The following ZNF395 variants were observed in gnomAD, a reference collection of about 807,000 sequenced individuals.
ZNF395 encodes zinc finger protein 395.
Under a neutral mutation model 57.7 loss-of-function variants are expected in ZNF395, and 20 were observed. The ratio of observed to expected loss-of-function variants is 0.35; its 90% CI spans 0.24 to 0.50. The LOEUF is 0.50. ZNF395 is among the 20% of genes least tolerant of loss of function. ZNF395 has a pLI of 0.97. For missense variants in ZNF395, 606 were observed against 671.2 expected (o/e 0.90, Z 1.07); for synonymous variants, 295 against 275.9 (o/e 1.07, Z -0.69).
Position 28,356,763 on chromosome 8 carries a change from C to T in ZNF395, c.490G>A (p.Glu164Lys). ...ATGGCCGCCATCATCTCATCCATTT[C>T]CACTGCGTCCGACTTCCTGGATTCA... ...DVPKRKSDAVEMDEMMAAMVL... is the reference protein window; with the variant it reads ...DVPKRKSDAVKMDEMMAAMVL... The change falls in exon 4 of 10, where the codon GAA becomes AAA. Residue 164 changes from glutamate (E) to lysine (K), a missense_variant. Transcript: ENST00000344423. This position sits in a 1 kb window ranked among gnomAD's most constrained non-coding sequence, Gnocchi z 4.0. The T allele has an allele frequency of 6.2e-7, 1 of 1,614,174 alleles. No individual in the cohort carries two copies. Among genetic ancestry groups the T allele is most frequent in the Non-Finnish European group, 8.5e-7 (1 of 1,180,010 alleles).
chr8:28,349,655 G>A (rs1462286768), intron 8 of ZNF395, among the ~76,000 whole-genome samples: 1 of 152,190 alleles, frequency 6.6e-6, no homozygotes, highest in Non-Finnish European at 1.5e-5. Context: ...GTCCACCTAT[G>A]GCCCTTGTCT....
chr8:28,368,761 A>C (rs957539077), intron 1 of ZNF395, among the ~76,000 whole-genome samples: 1 of 152,070 alleles, frequency 6.6e-6, no homozygotes, highest in Non-Finnish European at 1.5e-5. Context: ...CAATCCCAAG[A>C]GGACAAAAAG....
In ZNF395 at chr8:28,352,691, A is replaced by T. The variant is rs777237480; in HGVS notation, c.820-18T>A. 3.4e-5 allele frequency: 55 copies of T among 1,602,370 alleles called. No homozygotes were observed. Among genetic ancestry groups the T allele is most frequent in the Non-Finnish European group, 4.6e-5 (54 of 1,169,374 alleles). On this transcript the variant is annotated intron_variant, in intron 5 of 9. Coordinates refer to ENST00000344423, the MANE Select transcript of ZNF395 (RefSeq NM_018660.3). The surrounding 1 kb of genome is among the most constrained non-coding windows in gnomAD (Gnocchi z 4.0). ...ACAGAGTTCTACAGGAAAGGAAGAC[A>T]GGGTGAGTGGATATGTCTTTCTCCT...
Position 28,346,810 on chromosome 8 carries a change from G to C in ZNF395, c.*1909C>G, listed in dbSNP as rs1801608303. 1 of 151,936 alleles carries C rather than the reference G, an allele frequency of 6.6e-6. No individual in the cohort carries two copies. Among genetic ancestry groups the C allele is most frequent in the Non-Finnish European group, 1.5e-5 (1 of 68,018 alleles). The allele number at this position is 151,936 out of a possible 1,614,324, so 9.4% of individuals were successfully genotyped here. On this transcript the variant is annotated 3_prime_UTR_variant, in exon 10 of 10. Transcript: ENST00000344423. ...GCTGGGGGTTGTCTTGGGAAGTGAG[G>C]GGGGTTGGGAAACACCATCAGCAGC...
chr8:28,366,383 A>G (rs1442610596), intron 1 of ZNF395, among the ~76,000 whole-genome samples: 1 of 152,168 alleles, frequency 6.6e-6, no homozygotes, highest in Admixed American at 6.5e-5. Flanking sequence ...CTTTAAATCT[A>G]TAACATTTTT....
chr8:28,356,718 A>G lies in ZNF395; in HGVS notation c.535T>C (p.Cys179Arg). 6.2e-7 allele frequency: 1 copy of G among 1,614,242 alleles called. No individual in the cohort carries two copies. The highest frequency in any genetic ancestry group is 8.5e-7 in the Non-Finnish European group (1 of 1,180,040). Reference sequence around the variant, plus strand: ...GGAGGACTCTGTACAACAGGGCTGCAGGACAGGGACGTCAGCACCATGGCC... The same window carrying G: ...GGAGGACTCTGTACAACAGGGCTGCGGGACAGGGACGTCAGCACCATGGCC... Reference protein sequence around the residue: ...MAAMVLTSLSCSPVVQSPPGT... With the variant: ...MAAMVLTSLSRSPVVQSPPGT... Residue 179 changes from cysteine to arginine, a missense_variant, in exon 4 of 10, where the codon TGC becomes CGC. By Grantham distance (180) the Cys-to-Arg change is radical. Transcript: ENST00000344423. This position sits in a 1 kb window ranked among gnomAD's most constrained non-coding sequence, Gnocchi z 4.0.
In ZNF395 at chr8:28,347,837, C is replaced by T. The variant is rs1014382411; in HGVS notation, c.*882G>A. 2 of 152,246 alleles carry T rather than the reference C, an allele frequency of 1.3e-5. No individual in the cohort carries two copies. Among genetic ancestry groups the T allele is most frequent in the African/African-American group, 4.8e-5 (2 of 41,446 alleles). The allele number at this position is 152,246 out of a possible 1,614,324, so 9.4% of individuals were successfully genotyped here. On this transcript the variant is annotated 3_prime_UTR_variant, in exon 10 of 10. Transcript: ENST00000344423. ...GAAAACAAAGCATTTCTGAGGCGTC[C>T]TTTCAATAACCGGAGGAAGGCGGCG...
chr8:28,353,341 G>A lies in ZNF395; in HGVS notation c.651C>T (p.Thr217=), dbSNP rs137923010. The A allele has an allele frequency of 2.5e-6, 4 of 1,604,254 alleles. No individual in the cohort carries two copies. Among genetic ancestry groups the A allele is most frequent in the Non-Finnish European group, 3.4e-6 (4 of 1,175,136 alleles). ...CACTGCTCCCACTCCAGTGACCGCT[G>A]GTAGTGCTGCTGCCGCTGTCCGAGA... ...GDISDSGSST[T]SGHWSGSSGV... The change falls in exon 5 of 10, where the codon ACC becomes ACT. Residue 217 remains threonine (T), a synonymous_variant. Coordinates refer to ENST00000344423, the MANE Select transcript of ZNF395 (RefSeq NM_018660.3).
At chr8:28,367,309 T>C (rs1452708056) in intron 1 of ZNF395, among the ~76,000 whole-genome samples, 1 of 152,184 alleles carries the variant, frequency 6.6e-6, no homozygotes, top group Admixed American at 6.5e-5. Flanking sequence ...GCATCCAGCC[T>C]TCCTATTACT....
rs1801590916 is a variant in ZNF395 at position 28,345,693 on chromosome 8, T to C, written c.*3026A>G. 6.6e-6 allele frequency: 1 copy of C among 152,368 alleles called. No homozygotes were observed. Among genetic ancestry groups the C allele is most frequent in the Non-Finnish European group, 1.5e-5 (1 of 68,006 alleles). 9.4% of individuals were successfully genotyped at this position (152,368 alleles called of 1,614,324 possible). ...AAAAATTTTTTAACAGTAAAAATAA[T>C]ACTTGGAAGACAGCTGAGGAAAAAG... is the stretch of plus-strand genomic sequence containing the variant. On this transcript the variant is annotated 3_prime_UTR_variant, in exon 10 of 10. Transcript: ENST00000344423.
intron 1 of ZNF395, chr8:28,385,157 C>T (rs950800961): frequency 6.6e-6 from 1 of 152,272 alleles, no homozygotes; most frequent in Non-Finnish European, 1.5e-5. Flanking sequence ...AGGAATCCCC[C>T]GCGCCTGGTA....
At chr8:28,375,106 C>T (rs914286384) in intron 1 of ZNF395, among the ~76,000 whole-genome samples, 2 of 152,108 alleles carry the variant, frequency 1.3e-5, no homozygotes, top group African/African-American at 4.8e-5. Flanking sequence ...ACAAAATTGG[C>T]TGTGCACAGG....
At chr8:28,369,784 CCA>C (rs914706060) in intron 1 of ZNF395, among the ~76,000 whole-genome samples, 1 of 152,174 alleles carries the variant, frequency 6.6e-6, no homozygotes, top group Non-Finnish European at 1.5e-5. Context: ...GGAAAGGGCC[CCA>C]GAGCAGAAAA....
At chr8:28,379,640 T>C (rs541047140) in intron 1 of ZNF395, among the ~76,000 whole-genome samples, 98 of 152,300 alleles carry the variant, frequency 6.4e-4, no homozygotes, top group African/African-American at 2.3e-3. Context: ...TGTGCCAACC[T>C]GGGGTCAAAG....
intron 5 of ZNF395, 130 bp downstream of exon 5, chr8:28,353,043 A>G: frequency 1.2e-6 from 1 of 807,182 alleles, no homozygotes; most frequent in Non-Finnish European, 2.0e-6. Context: ...AGCAGCAATA[A>G]AAAACCGAAA....
chr8:28,366,985 A>G (rs1156867367), intron 1 of ZNF395, among the ~76,000 whole-genome samples: 1 of 152,000 alleles, frequency 6.6e-6, no homozygotes, highest in Non-Finnish European at 1.5e-5. Flanking sequence ...CTGTTACCCT[A>G]TTTTTAAGAG....
Position 28,359,801 on chromosome 8 carries a change from T to C in ZNF395, c.264A>G (p.Gln88=). 1 of 1,613,998 alleles carries C rather than the reference T, an allele frequency of 6.2e-7. No homozygotes were observed. Among genetic ancestry groups the C allele is most frequent in the Non-Finnish European group, 8.5e-7 (1 of 1,180,036 alleles). ...GCTGCTCCACCAGTCCTGTGCACTC[T>C]TGACCCCCGTACCACACATAAACCT... ...GQKVYVWYGG[Q]ECTGLVEQHS... is the part of the protein sequence containing the mutation. Residue 88 remains glutamine, a synonymous_variant, in exon 3 of 10, where the codon CAA becomes CAG. Transcript: ENST00000344423. The surrounding 1 kb of genome is among the most constrained non-coding windows in gnomAD (Gnocchi z 4.7).
intron 1 of ZNF395, among the ~76,000 whole-genome samples, chr8:28,384,676 C>CT (rs887979362): frequency 6.6e-6 from 1 of 152,200 alleles, no homozygotes; most frequent in Non-Finnish European, 1.5e-5. Context: ...CTCCTCTTGT[C>CT]TTTGGGCCCT....
rs1225445223 is a variant in ZNF395, at chr8:28,365,942, T to C, written c.-58-4760A>G. 5.9e-5 allele frequency among the ~76,000 whole-genome samples: 9 copies of C among 152,332 alleles called. No individual in the cohort carries two copies. In the East Asian group the frequency reaches 1.2e-3, roughly 20 times the overall value. ...GGACAACCACATGTCTCAGCACACG[T>C]AGGCACGCCCCCACACTTGTGTGCG... is the stretch of plus-strand genomic sequence containing the variant. On this transcript the variant is annotated intron_variant, in intron 1 of 9. Transcript: ENST00000344423.
Sources: allele counts gnomAD v4.1 joint callset (sites outside exome capture counted in the v4.1 genomes callset), GRCh38; gene constraint gnomAD v4.1.1; non-coding constraint Gnocchi (gnomAD v3.1); transcripts MANE v1.5; gene names NCBI Gene and HGNC (gene_info 2026-07-23, HGNC 2026-07-21).